The following ATP6V1B1 variants were observed in gnomAD, a reference collection of about 807,000 sequenced individuals.
ATP6V1B1 encodes the protein V-type proton ATPase subunit B, kidney isoform.
In ATP6V1B1, 41 loss-of-function variants were observed where a neutral mutation model predicts 62.1. That is an observed-to-expected ratio of 0.66 (90% CI 0.51 to 0.86). The LOEUF is 0.86. Ranked by LOEUF, ATP6V1B1 falls within the 40% of genes least tolerant of loss-of-function variation. The pLI is 0.00. For synonymous variants in ATP6V1B1, 253 were observed against 273.4 expected, an observed-to-expected ratio of 0.93 and a Z score of 0.74; for missense variants, 651 against 697.5, an observed-to-expected ratio of 0.93 and a Z score of 0.75.
intron 4 of ATP6V1B1, 90 bp from the exon 5 acceptor site, chr2:70,958,928 G>C: frequency 7.7e-7 from 1 of 1,297,348 alleles, no homozygotes. Flanking sequence ...TGGGGAGTGG[G>C]TGGGAGCTGG....
chr2:70,939,149 G>T (rs888120378), intron 1 of ATP6V1B1, among the ~76,000 whole-genome samples: 2 of 152,264 alleles, frequency 1.3e-5, no homozygotes, highest in African/African-American at 4.8e-5. Flanking sequence ...CTGCAGGTGT[G>T]GCTGGGCCAG....
In ATP6V1B1 at chr2:70,963,676, C is replaced by T. The variant is rs1680643977; in HGVS notation, c.1143+22C>T. The T allele has an allele frequency of 3.1e-6, 5 of 1,605,208 alleles. No individual in the cohort carries two copies. The highest frequency in any genetic ancestry group is 4.3e-6 in the Non-Finnish European group (5 of 1,171,952). On this transcript the variant is annotated intron_variant, in intron 11 of 13. Transcript: ENST00000234396. The surrounding 1 kb of genome is among the most constrained non-coding windows in gnomAD (Gnocchi z 4.3). ...ACAGGTACTGCCCTGTCCCTACCCA[C>T]TTCCTGCTCTCAGCCCAGAGAAACA... is the stretch of plus-strand genomic sequence containing the variant.
At position 70,943,405 on chromosome 2, in the gene ATP6V1B1, C is replaced by T. The variant is rs115289911; in HGVS notation, c.119-253C>T. ...GAGGCCTCTGTGTGGTGGGGGCGGA[C>T]TCTGAGGAGGCCTCTGCCCTCTGCC... On this transcript the variant is annotated intron_variant, in intron 1 of 13. Transcript: ENST00000234396. 12,770 of 633,366 alleles carry T rather than the reference C, an allele frequency of 0.02. 207 individuals are homozygous for T. Among genetic ancestry groups the T allele is most frequent in the Non-Finnish European group, 0.027 (9,228 of 347,294 alleles). 39.2% of individuals were successfully genotyped at this position (633,366 alleles called of 1,614,324 possible). A position where few individuals can be genotyped will look rare whatever the true frequency, so the allele number is the denominator to read the frequency against.
intron 3 of ATP6V1B1, 84 bp downstream of exon 3, chr2:70,958,228 C>A (rs1680492057): frequency 1.3e-6 from 2 of 1,587,978 alleles, no homozygotes; most frequent in Non-Finnish European, 1.7e-6. Context: ...ACTCTGAAGG[C>A]AGGAAATGGT....
chr2:70,949,047 C>CA (rs1680259969), intron 2 of ATP6V1B1, among the ~76,000 whole-genome samples: 1 of 148,492 alleles, frequency 6.7e-6, no homozygotes, highest in Non-Finnish European at 1.5e-5. Flanking sequence ...ATTTTAATTG[C>CA]AAAAATAATA....
At chr2:70,956,203 T>C (rs1450145570) in intron 2 of ATP6V1B1, 4 of 234,078 alleles carry the variant, frequency 1.7e-5, no homozygotes, top group South Asian at 7.5e-5. Flanking sequence ...AGGGACTTCA[T>C]AGCCACCATA....
chr2:70,943,965 C>A (rs1418868327), intron 2 of ATP6V1B1: 2 of 970,536 alleles, frequency 2.1e-6, no homozygotes, highest in African/African-American at 3.5e-5. Context: ...CCTTGGGAAA[C>A]CTCCTACTAT....
chr2:70,936,161 A>C (rs1005761792), intron 1 of ATP6V1B1, 89 bp downstream of exon 1: 11 of 1,394,386 alleles, frequency 7.9e-6, no homozygotes, highest in Non-Finnish European at 1.0e-5. Context: ...CTTGCCTCAG[A>C]AAAGGAGGAG....
At chr2:70,938,682 G>T in intron 1 of ATP6V1B1, 1 of 985,432 alleles carries the variant, frequency 1.0e-6, no homozygotes. Flanking sequence ...GGAAAGAAGG[G>T]TCCCCTGTGC....
At chr2:70,948,531 A>G (rs911705221) in intron 2 of ATP6V1B1, 1 of 154,764 alleles carries the variant, frequency 6.5e-6, no homozygotes, top group African/African-American at 2.4e-5. Context: ...CCCGTTTCGT[A>G]TCGAAACACA....
intron 1 of ATP6V1B1, among the ~76,000 whole-genome samples, chr2:70,939,000 G>C (rs1416767918): frequency 3.3e-5 from 5 of 152,240 alleles, no homozygotes; most frequent in African/African-American, 9.6e-5. Flanking sequence ...GGGCTGAAGA[G>C]CCCTCAGCTT....
rs781785229 is a variant in ATP6V1B1 at position 70,963,583 on chromosome 2, C to G, written c.1072C>G (p.Pro358Ala). ...GAGTTTTCTTGTAGATATCACCCACCCTATCCCAGACTTGACGGGCTTCAT... is the reference window on the plus strand; with the variant it reads ...GAGTTTTCTTGTAGATATCACCCACGCTATCCCAGACTTGACGGGCTTCAT... Reference protein sequence around the residue: ...LTMPNDDITHPIPDLTGFITE... With the variant: ...LTMPNDDITHAIPDLTGFITE... The change falls in exon 11 of 14, where the codon CCT becomes GCT. Residue 358 changes from proline to alanine, a missense_variant. Coordinates refer to ENST00000234396, the MANE Select transcript of ATP6V1B1 (RefSeq NM_001692.4). The surrounding 1 kb of genome is among the most constrained non-coding windows in gnomAD (Gnocchi z 4.3). 5 of 1,614,036 alleles carry G rather than the reference C, an allele frequency of 3.1e-6. No homozygotes were observed. The African/African-American group carries it at 6.7e-5, about 22-fold the overall frequency.
At position 70,959,658 on chromosome 2, in the gene ATP6V1B1, T is replaced by C. The variant is rs1680534221; in HGVS notation, c.446-281T>C. Among the ~76,000 whole-genome samples, 1 of 152,190 alleles carries C rather than the reference T, an allele frequency of 6.6e-6. No individual in the cohort carries two copies. Among genetic ancestry groups the C allele is most frequent in the Admixed American group, 6.5e-5 (1 of 15,280 alleles). ...CCTGAGTTTCCACCTGCCTGCCACT[T>C]CCAAAGCACAAGGGCAGCTCTGTCC... On this transcript the variant is annotated intron_variant, in intron 5 of 13. Coordinates refer to ENST00000234396, the MANE Select transcript of ATP6V1B1 (RefSeq NM_001692.4). The surrounding 1 kb of genome is among the most constrained non-coding windows in gnomAD (Gnocchi z 4.2).
In ATP6V1B1 at chr2:70,963,285, A is replaced by T. The variant is rs781920132; in HGVS notation, c.1033A>T (p.Ile345Phe). The T allele has an allele frequency of 1.2e-6, 2 of 1,613,370 alleles. No homozygotes were observed. The highest frequency in any genetic ancestry group is 3.3e-5 in the Admixed American group (2 of 60,018). The change falls in exon 10 of 14, where the codon ATC becomes TTC. Residue 345 changes from isoleucine (I) to phenylalanine (F), a missense_variant. Physicochemically the swap from Ile to Phe is conservative, Grantham distance 21. Transcript: ENST00000234396. This position sits in a 1 kb window ranked among gnomAD's most constrained non-coding sequence, Gnocchi z 4.3. The part of the protein sequence containing the change: ...VEGRGGSITQ[I>F]PILTMPNDDI... ...GGGTCGGGGAGGATCCATCACACAGATCCCCATCCTCACCATGCCCAACGA... is the reference window on the plus strand; with the variant it reads ...GGGTCGGGGAGGATCCATCACACAGTTCCCCATCCTCACCATGCCCAACGA...
intron 2 of ATP6V1B1, among the ~76,000 whole-genome samples, chr2:70,951,046 G>A (rs538243821): frequency 7.9e-4 from 115 of 145,202 alleles, no homozygotes; most frequent in African/African-American, 2.9e-3. Flanking sequence ...CGGTTCAAGC[G>A]ATTCTTCTGC....
chr2:70,961,655 G>A lies in ATP6V1B1; in HGVS notation c.747G>A (p.Gly249=). 1 of 1,614,240 alleles carries A rather than the reference G, an allele frequency of 6.2e-7. No individual in the cohort carries two copies. Among genetic ancestry groups the A allele is most frequent in the East Asian group, 2.2e-5 (1 of 44,886 alleles). ...KSDFEQNGTM[G]NVCLFLNLAN... is the part of the protein sequence containing the mutation. ...ACTTTGAGCAGAATGGAACCATGGGGAACGTCTGCCTCTTCCTGAACTTGG... is the reference window on the plus strand; with the variant it reads ...ACTTTGAGCAGAATGGAACCATGGGAAACGTCTGCCTCTTCCTGAACTTGG... Residue 249 remains glycine (G), a synonymous_variant, in exon 8 of 14, where the codon GGG becomes GGA. Transcript: ENST00000234396.
intron 8 of ATP6V1B1, chr2:70,961,895 CTCTG>C (rs1302794442): frequency 9.6e-6 from 6 of 625,118 alleles, no homozygotes; most frequent in South Asian, 8.9e-5. Context: ...CAGAACATGA[CTCTG>C]TCTGCTGCCT....
At chr2:70,952,385 C>T (rs1553418441) in intron 2 of ATP6V1B1, among the ~76,000 whole-genome samples, 1 of 151,854 alleles carries the variant, frequency 6.6e-6, no homozygotes, top group African/African-American at 2.4e-5. Context: ...ATTGCTTGAT[C>T]CTGGGAGGCG....
At chr2:70,940,776 G>A in intron 1 of ATP6V1B1, 1 of 985,522 alleles carries the variant, frequency 1.0e-6, no homozygotes, top group Non-Finnish European at 1.2e-6. Context: ...TTGGAGGCTT[G>A]GGAAGGTCGG....
Sources: gnomAD v4.1 joint callset for allele counts (sites outside exome capture counted in the v4.1 genomes callset) on GRCh38, gnomAD v4.1.1 for gene constraint, Gnocchi (gnomAD v3.1) non-coding constraint, MANE v1.5 for transcripts, NCBI Gene and HGNC (gene_info 2026-07-23, HGNC 2026-07-21) for gene names.